The following SHISA9 variants were observed in gnomAD, a reference collection of about 807,000 sequenced individuals.
SHISA9 encodes the protein protein shisa-9.
In SHISA9, 13 loss-of-function variants were observed where a neutral mutation model predicts 38.0. That is an observed-to-expected ratio of 0.34 (90% CI 0.22 to 0.54). The LOEUF is 0.54. SHISA9 is among the 20% of genes least tolerant of loss of function. SHISA9 has a pLI of 0.91. For synonymous variants in SHISA9, 275 were observed against 242.0 expected (o/e 1.14, Z -1.27); for missense variants, 538 against 575.8 (o/e 0.93, Z 0.67).
intron 4 of SHISA9, among the ~76,000 whole-genome samples, chr16:13,218,099 T>G (rs549103284): frequency 1.3e-5 from 2 of 152,154 alleles, no homozygotes; most frequent in African/African-American, 4.8e-5. Flanking sequence ...ACATTTCACC[T>G]AGCTTTTCTG....
the SHISA9 span, among the ~76,000 whole-genome samples, chr16:13,306,893 A>G: frequency 4.6e-5 from 7 of 152,368 alleles, no homozygotes; most frequent in South Asian, 1.4e-3. Context: ...ATATATACAC[A>G]TTATGTATAT....
intron 4 of SHISA9, among the ~76,000 whole-genome samples, chr16:13,220,054 A>C (rs142190001): frequency 1.3e-5 from 2 of 152,344 alleles, no homozygotes; most frequent in East Asian, 1.9e-4. Flanking sequence ...CATTTTTATC[A>C]GTCAGCTACT....
chr16:13,552,906 T>A, the SHISA9 span, among the ~76,000 whole-genome samples: 1 of 152,104 alleles, frequency 6.6e-6, no homozygotes, highest in Non-Finnish European at 1.5e-5. Context: ...GGCTGTTGAC[T>A]ATAGCAGAGT....
rs11864266 is a variant in SHISA9 at position 12,976,813 on chromosome 16, C to G, written c.691+59998C>G. 9.4e-3 allele frequency among the ~76,000 whole-genome samples: 1,424 copies of G among 152,036 alleles called. 20 individuals are homozygous for G. Among genetic ancestry groups the G allele is most frequent in the African/African-American group, 0.033 (1,380 of 41,430 alleles). On this transcript the variant is annotated intron_variant, in intron 2 of 4. Coordinates refer to ENST00000558583, the MANE Select transcript of SHISA9 (RefSeq NM_001145204.3). ...CCTGTGGCTTTGCCTGGAATGTCAC[C>G]CCAAGCAGAGGAAATGAAACAGCAT... is the stretch of plus-strand genomic sequence containing the variant.
chr16:12,937,223 C>T (rs2071546035), intron 2 of SHISA9, among the ~76,000 whole-genome samples: 1 of 152,038 alleles, frequency 6.6e-6, no homozygotes, highest in African/African-American at 2.4e-5. Context: ...ACATATAGTA[C>T]ATTTAAAAAA....
chr16:13,400,803 G>A, the SHISA9 span, among the ~76,000 whole-genome samples: 1 of 152,190 alleles, frequency 6.6e-6, no homozygotes, highest in Non-Finnish European at 1.5e-5. Context: ...AGCTTAGGAG[G>A]CCCTAAATGT....
intron 2 of SHISA9, among the ~76,000 whole-genome samples, chr16:13,192,237 G>A (rs1160999764): frequency 2.0e-5 from 3 of 152,168 alleles, no homozygotes; most frequent in Middle Eastern, 6.8e-3. Flanking sequence ...GAGGTGGATG[G>A]GAAAGGAGTG....
At chr16:13,289,366 G>A in the SHISA9 span, among the ~76,000 whole-genome samples, 1 of 151,530 alleles carries the variant, frequency 6.6e-6, no homozygotes, top group African/African-American at 2.4e-5. Flanking sequence ...TGGTTGGTGG[G>A]GGGGCGGGAG....
chr16:13,179,225 G>T (rs1056315698), intron 2 of SHISA9, among the ~76,000 whole-genome samples: 1 of 152,092 alleles, frequency 6.6e-6, no homozygotes, highest in Non-Finnish European at 1.5e-5. Context: ...AGGCTGAGGC[G>T]GGAGAACAAC....
intron 2 of SHISA9, among the ~76,000 whole-genome samples, chr16:13,150,713 C>A (rs769115101): frequency 2.0e-5 from 3 of 152,130 alleles, no homozygotes; most frequent in Non-Finnish European, 4.4e-5. Flanking sequence ...TCTGGGACCT[C>A]CCACCACCCC....
intron 2 of SHISA9, among the ~76,000 whole-genome samples, chr16:13,122,114 C>T (rs945382883): frequency 1.3e-5 from 2 of 152,164 alleles, no homozygotes; most frequent in Non-Finnish European, 2.9e-5. Context: ...GGATCTAGCA[C>T]ATGCCTTGCC....
intron 2 of SHISA9, among the ~76,000 whole-genome samples, chr16:13,005,180 A>T (rs187912564): frequency 6.6e-6 from 1 of 152,026 alleles, no homozygotes; most frequent in African/African-American, 2.4e-5. Context: ...GCTCAGTTTG[A>T]GGTACTGTGA....
At chr16:13,328,512 A>C in the SHISA9 span, among the ~76,000 whole-genome samples, 2 of 151,040 alleles carry the variant, frequency 1.3e-5, no homozygotes, top group Non-Finnish European at 2.9e-5. Flanking sequence ...TCCCAGGTTC[A>C]AATGATTCTC....
At chr16:13,197,587 G>A (rs770145905) in intron 2 of SHISA9, 1 of 152,278 alleles carries the variant, frequency 6.6e-6, no homozygotes, top group East Asian at 1.9e-4. Context: ...TTGGATATAC[G>A]AGGCTCCTTC....
intron 4 of SHISA9, among the ~76,000 whole-genome samples, chr16:13,213,711 G>A (rs1373103357): frequency 6.6e-6 from 1 of 152,198 alleles, no homozygotes; most frequent in Non-Finnish European, 1.5e-5. Context: ...TTGGCCAAGG[G>A]TCTTGGGAAT....
At chr16:12,940,098 G>A (rs2141756006) in intron 2 of SHISA9, among the ~76,000 whole-genome samples, 1 of 152,294 alleles carries the variant, frequency 6.6e-6, no homozygotes, top group Non-Finnish European at 1.5e-5. Context: ...ACCCTGCTGG[G>A]GAGGAGAGAA....
chr16:13,276,019 C>CCAT, the SHISA9 span, among the ~76,000 whole-genome samples: 1 of 151,586 alleles, frequency 6.6e-6, no homozygotes, highest in Non-Finnish European at 1.5e-5. Flanking sequence ...TTTGGTGCAC[C>CCAT]CATCATGCGA....
At chr16:13,271,363 G>A in the SHISA9 span, among the ~76,000 whole-genome samples, 5 of 152,196 alleles carry the variant, frequency 3.3e-5, no homozygotes, top group South Asian at 2.1e-4. Context: ...TTAAATCAAC[G>A]TCATCATGTG....
the SHISA9 span, among the ~76,000 whole-genome samples, chr16:13,264,644 G>T: frequency 6.6e-6 from 1 of 152,056 alleles, no homozygotes; most frequent in Non-Finnish European, 1.5e-5. Flanking sequence ...CTTGCTTCTA[G>T]TCTTGAGTTG....
Sources: allele counts gnomAD v4.1 joint callset (sites outside exome capture counted in the v4.1 genomes callset), GRCh38; gene constraint gnomAD v4.1.1; transcripts MANE v1.5; gene names NCBI Gene and HGNC (gene_info 2026-07-23, HGNC 2026-07-21).